ATP8A1: variants seen among roughly 807,000 people sequenced by gnomAD.
ATP8A1 encodes phospholipid-transporting ATPase IA.
ATP8A1 carries 90 observed loss-of-function variants against 177.7 expected under a neutral mutation model. That is an observed-to-expected ratio of 0.51 (90% CI 0.43 to 0.60). The LOEUF (loss-of-function observed/expected upper bound fraction) is 0.60, where lower values mean the gene tolerates loss of function less well. Among genes scored for constraint, ATP8A1 ranks in the 20% least tolerant of loss-of-function variants. The pLI is 0.00. For synonymous variants in ATP8A1, 493 were observed against 485.9 expected, an observed-to-expected ratio of 1.01 and a Z score of -0.19; for missense variants, 1,072 against 1,392.8, an observed-to-expected ratio of 0.77 and a Z score of 3.67.
At chr4:42,646,654 A>G (rs777761562) in intron 1 of ATP8A1, among the ~76,000 whole-genome samples, 2 of 152,188 alleles carry the variant, frequency 1.3e-5, no homozygotes, top group South Asian at 4.1e-4. Context: ...CTGGCCCACT[A>G]AAGTGGTGCT....
At chr4:42,511,144 G>T (rs1296750029) in intron 22 of ATP8A1, among the ~76,000 whole-genome samples, 2 of 152,210 alleles carry the variant, frequency 1.3e-5, no homozygotes, top group Non-Finnish European at 2.9e-5. Context: ...AGGTTCTGCA[G>T]ACTCCTTTCC....
rs914008768 is a variant in ATP8A1, at chr4:42,618,113, A to T, written c.364-2035T>A. 5.9e-5 allele frequency among the ~76,000 whole-genome samples: 9 copies of T among 152,336 alleles called. No homozygotes were observed. In the East Asian group the frequency reaches 1.7e-3, roughly 29 times the overall value. Reference sequence around the variant, plus strand: ...CACGAATAAACTGTATTGTATAAACAGTGTTATGAACTTCAGGATACATAG... The same window carrying T: ...CACGAATAAACTGTATTGTATAAACTGTGTTATGAACTTCAGGATACATAG... On this transcript the variant is annotated intron_variant, in intron 4 of 36. Transcript: ENST00000381668.
At chr4:42,625,745 C>A in intron 2 of ATP8A1, 32 bp from the exon 3 acceptor site, 1 of 1,376,152 alleles carries the variant, frequency 7.3e-7, no homozygotes, top group Non-Finnish European at 1.0e-6. Flanking sequence ...TAGCATAAAA[C>A]TTCTCCATAA....
intron 25 of ATP8A1, among the ~76,000 whole-genome samples, chr4:42,481,713 A>C (rs1018356369): frequency 9.9e-5 from 15 of 152,188 alleles, no homozygotes; most frequent in Non-Finnish European, 4.4e-5. Context: ...AAGGAGTTTC[A>C]GTGAGTCTGT....
chr4:42,519,598 TG>T (rs1725901330), intron 22 of ATP8A1, among the ~76,000 whole-genome samples: 1 of 152,208 alleles, frequency 6.6e-6, no homozygotes, highest in East Asian at 1.9e-4. Context: ...CAGTCTCATT[TG>T]CTTGTGCATG....
intron 7 of ATP8A1, 117 bp from the exon 8 acceptor site, chr4:42,588,446 T>G (rs1434744615): frequency 2.7e-6 from 2 of 754,344 alleles, no homozygotes; most frequent in African/African-American, 3.6e-5. Context: ...TAATAGTTAC[T>G]TAGCTTCTTG....
intron 30 of ATP8A1, among the ~76,000 whole-genome samples, chr4:42,450,561 C>T (rs1339372993): frequency 6.6e-6 from 1 of 152,222 alleles, no homozygotes; most frequent in African/African-American, 2.4e-5. Context: ...ATATTCTACA[C>T]TTTAATTAAA....
At chr4:42,606,220 G>A (rs1200876269) in intron 5 of ATP8A1, among the ~76,000 whole-genome samples, 1 of 152,202 alleles carries the variant, frequency 6.6e-6, no homozygotes, top group East Asian at 1.9e-4. Context: ...ATTCACAGAA[G>A]ACTTTACTCA....
intron 1 of ATP8A1, among the ~76,000 whole-genome samples, chr4:42,636,428 T>C (rs1210529381): frequency 4.6e-5 from 7 of 151,040 alleles, no homozygotes; most frequent in Non-Finnish European, 7.4e-5. Flanking sequence ...AGAGAGCTCA[T>C]GAAAAGAAGG....
rs940824551 is a variant in ATP8A1 at position 42,501,938 on chromosome 4, T to G, written c.2151+1512A>C. Among the ~76,000 whole-genome samples the G allele has an allele frequency of 2.0e-5, 3 of 152,348 alleles. No individual in the cohort carries two copies. The East Asian group carries it at 5.8e-4, about 29-fold the overall frequency. On this transcript the variant is annotated intron_variant, in intron 24 of 36. Coordinates refer to ENST00000381668, the MANE Select transcript of ATP8A1 (RefSeq NM_006095.2). ...TGTTAATCCATTCAGCCACAGTGTTTGCCTGTGATCTTTAAACTGCTACTC... is the reference window on the plus strand; with the variant it reads ...TGTTAATCCATTCAGCCACAGTGTTGGCCTGTGATCTTTAAACTGCTACTC...
Position 42,617,160 on chromosome 4 carries a change from A to T in ATP8A1, c.364-1082T>A, listed in dbSNP as rs371612258. ...AAAACACTGCAAGAGAAAAATCTAG[A>T]AGTGTGGATTAGCACTCCAGGACAT... On this transcript the variant is annotated intron_variant, in intron 4 of 36. Coordinates refer to ENST00000381668, the MANE Select transcript of ATP8A1 (RefSeq NM_006095.2). Among the ~76,000 whole-genome samples the T allele has an allele frequency of 3.9e-5, 6 of 152,338 alleles. No individual in the cohort carries two copies. In the East Asian group the frequency reaches 5.8e-4, roughly 15 times the overall value.
At position 42,524,798 on chromosome 4, in the gene ATP8A1, A is replaced by C. The variant is rs1296238901; in HGVS notation, c.1772T>G (p.Ile591Ser). The change falls in exon 21 of 37, where the codon ATT becomes AGT. Residue 591 changes from isoleucine (I) to serine (S), a missense_variant. By Grantham distance (142) the Ile-to-Ser change is moderately radical (BLOSUM62 -2). Around this residue, in one of 5 missense-constraint regions of ATP8A1, gnomAD observed 388 missense variants for 471.7 expected, o/e 0.82. Coordinates refer to ENST00000381668, the MANE Select transcript of ATP8A1 (RefSeq NM_006095.2). ...RLAETSKYKE[I>S]TLKHLEQFAT... is the part of the protein sequence containing the mutation. ...AAACTGCTCTAAATGTTTTAGGGTAATTTCTTTGTATTTTGACGTCTCTGC... is the reference window on the plus strand; with the variant it reads ...AAACTGCTCTAAATGTTTTAGGGTACTTTCTTTGTATTTTGACGTCTCTGC... The C allele has an allele frequency of 6.2e-7, 1 of 1,610,494 alleles. No homozygotes were observed. The highest frequency in any genetic ancestry group is 2.2e-5 in the East Asian group (1 of 44,736).
intron 25 of ATP8A1, among the ~76,000 whole-genome samples, chr4:42,469,824 C>T (rs914538230): frequency 1.3e-4 from 20 of 148,296 alleles, no homozygotes; most frequent in Non-Finnish European, 2.7e-4. Context: ...ATTGTCAGTA[C>T]ACTTGCTTCT....
intron 15 of ATP8A1, among the ~76,000 whole-genome samples, chr4:42,557,395 T>C (rs552453089): frequency 6.6e-6 from 1 of 152,348 alleles, no homozygotes; most frequent in South Asian, 2.1e-4. Context: ...TATTAAAATA[T>C]ATTCATAAAT....
At position 42,602,263 on chromosome 4, in the gene ATP8A1, G is replaced by C. The variant is rs141572700; in HGVS notation, c.410-1745C>G. Among the ~76,000 whole-genome samples, 1,286 of 152,286 alleles carry C rather than the reference G, an allele frequency of 8.4e-3. 10 individuals carry two copies. The highest frequency in any genetic ancestry group is 0.02 in the Middle Eastern group (6 of 294). ...CACAGGCACCTTAAATTGATCACTG[G>C]ATCCTGAAACACAAGACTCTAATGC... On this transcript the variant is annotated intron_variant, in intron 5 of 36. Coordinates refer to ENST00000381668, the MANE Select transcript of ATP8A1 (RefSeq NM_006095.2).
At chr4:42,537,308 C>T (rs1406976368) in intron 20 of ATP8A1, among the ~76,000 whole-genome samples, 3 of 151,884 alleles carry the variant, frequency 2.0e-5, no homozygotes, top group African/African-American at 7.3e-5. Context: ...CCATAGTCAA[C>T]ATTATACTGA....
chr4:42,636,158 GCA>G lies in ATP8A1; in HGVS notation c.50-9051_50-9050del, dbSNP rs1354247463. On this transcript the variant is annotated intron_variant, in intron 1 of 36. Coordinates refer to ENST00000381668, the MANE Select transcript of ATP8A1 (RefSeq NM_006095.2). ...CACACACACACACACACACACACAC[GCA>G]CACACACACACATAAGCTTCTTAAG... Among the ~76,000 whole-genome samples the G allele has an allele frequency of 2.1e-3, 50 of 23,764 alleles. No individual in the cohort carries two copies. The East Asian group carries it at 0.031, about 15-fold the overall frequency. 15.6% of individuals were successfully genotyped at this position (23,764 alleles called of 152,430 possible). A position where few individuals can be genotyped will look rare whatever the true frequency, so the allele number is the denominator to read the frequency against.
intron 25 of ATP8A1, among the ~76,000 whole-genome samples, chr4:42,479,354 T>C (rs367967094): frequency 1.3e-5 from 2 of 152,168 alleles, no homozygotes; most frequent in Non-Finnish European, 2.9e-5. Context: ...CTTTAACTTG[T>C]CCTAAGTCAA....
chr4:42,468,256 T>A (rs928577685), intron 25 of ATP8A1, among the ~76,000 whole-genome samples: 8 of 152,142 alleles, frequency 5.3e-5, no homozygotes, highest in African/African-American at 1.9e-4. Context: ...TAAGTCATTA[T>A]ACAAAAAAGC....
Sources: allele counts gnomAD v4.1 joint callset (sites outside exome capture counted in the v4.1 genomes callset), GRCh38; gene constraint gnomAD v4.1.1; regional missense constraint gnomAD v4.1.1; transcripts MANE v1.5; gene names NCBI Gene and HGNC (gene_info 2026-07-23, HGNC 2026-07-21).